PATJ: variants seen among roughly 807,000 people sequenced by gnomAD.
PATJ encodes inaD-like protein.
In PATJ, 190 loss-of-function variants were observed where a neutral mutation model predicts 224.9. The ratio of observed to expected loss-of-function variants is 0.84; its 90% confidence interval spans 0.75 to 0.95. The LOEUF (loss-of-function observed/expected upper bound fraction) is 0.95. Ranked by LOEUF, PATJ falls within the 40% of genes least tolerant of loss-of-function variation. The pLI, the probability that PATJ is intolerant of heterozygous loss-of-function variation, is 0.00. For synonymous variants in PATJ, 769 were observed against 820.3 expected (o/e 0.94, Z 1.07); for missense variants, 2,121 against 2,270.3 (o/e 0.93, Z 1.34).
In PATJ at chr1:61,760,281, A is replaced by G. The variant is rs112612310; in HGVS notation, c.-35-2577A>G. Among the ~76,000 whole-genome samples, 696 of 152,320 alleles carry G rather than the reference A, an allele frequency of 4.6e-3. 8 individuals carry two copies. The highest frequency in any genetic ancestry group is 0.016 in the African/African-American group (662 of 41,564). ...ATACTTAGACCTTTTATCAATGTCA[A>G]TGGCATCCGTTATTGGTTTTCAATA... On this transcript the variant is annotated intron_variant, in intron 1 of 43. Transcript: ENST00000642238.
intron 20 of PATJ, among the ~76,000 whole-genome samples, chr1:61,867,209 C>T (rs1009131433): frequency 2.0e-5 from 3 of 152,188 alleles, no homozygotes. Flanking sequence ...GATGGAGTTG[C>T]TCTGGTTCCA....
At chr1:62,154,449 A>T (rs1211997557) in intron 43 of PATJ, among the ~76,000 whole-genome samples, 1 of 151,960 alleles carries the variant, frequency 6.6e-6, no homozygotes, top group East Asian at 1.9e-4. Flanking sequence ...TGGGTGGATC[A>T]CCTGAGTGCA....
intron 32 of PATJ, among the ~76,000 whole-genome samples, chr1:62,080,230 G>T (rs17097039): frequency 0.013 from 1,918 of 152,294 alleles, 41 homozygotes; most frequent in African/African-American, 0.044. Flanking sequence ...AATGCTTAAA[G>T]AAATTGGCAT....
chr1:62,065,993 G>A lies in PATJ; in HGVS notation c.4126-13457G>A, dbSNP rs142335404. 9.8e-5 allele frequency among the ~76,000 whole-genome samples: 15 copies of A among 152,292 alleles called. No individual in the cohort carries two copies. In the East Asian group the frequency reaches 2.9e-3, roughly 29 times the overall value. On this transcript the variant is annotated intron_variant, in intron 31 of 43. Transcript: ENST00000642238. ...TAAGAGCCTATAATCTAAAACGTGT[G>A]TTGATTTTGTTATCTTTCAAAGGGA...
chr1:61,888,837 G>A (rs1669223172), intron 22 of PATJ, among the ~76,000 whole-genome samples: 2 of 152,192 alleles, frequency 1.3e-5, no homozygotes, highest in Admixed American at 6.5e-5. Flanking sequence ...TTCAAAATGA[G>A]TATTTGACAA....
chr1:62,157,017 A>G (rs1669293737), intron 43 of PATJ, among the ~76,000 whole-genome samples: 1 of 151,468 alleles, frequency 6.6e-6, no homozygotes, highest in Admixed American at 6.6e-5. Context: ...TCAGTATCAG[A>G]ATTCATTTTA....
At chr1:61,896,761 G>A (rs1029280556) in intron 22 of PATJ, among the ~76,000 whole-genome samples, 26 of 152,146 alleles carry the variant, frequency 1.7e-4, no homozygotes, top group African/African-American at 6.3e-4. Flanking sequence ...TCTCATGAGA[G>A]TGAGGGAGTT....
intron 31 of PATJ, among the ~76,000 whole-genome samples, chr1:62,060,534 AT>A (rs942235479): frequency 6.6e-6 from 1 of 151,588 alleles, no homozygotes; most frequent in Admixed American, 6.6e-5. Flanking sequence ...TACTTGGCTA[AT>A]TTTTTTGTAT....
At chr1:62,040,275 A>C (rs1355398897) in intron 30 of PATJ, among the ~76,000 whole-genome samples, 1 of 151,502 alleles carries the variant, frequency 6.6e-6, no homozygotes, top group Non-Finnish European at 1.5e-5. Context: ...CGCCTGGCTA[A>C]TTTTTGTATT....
Position 62,161,020 on chromosome 1 carries a change from A to G in PATJ, c.5615A>G (p.Gln1872Arg), listed in dbSNP as rs1016272729. ...CAAGCAGTCGCCATTCTAAAACACC[A>G]GAGAGGGACTGTAACCTTAACTGTG... ...HEQAVAILKHQRGTVTLTVLS is the reference protein window; with the variant it reads ...HEQAVAILKHRRGTVTLTVLS Residue 1872 changes from glutamine (Q) to arginine (R), a missense_variant, in exon 44 of 44, where the codon CAG becomes CGG. Transcript: ENST00000642238. 21 of 1,600,842 alleles carry G rather than the reference A, an allele frequency of 1.3e-5. No individual in the cohort carries two copies. Among genetic ancestry groups the G allele is most frequent in the Non-Finnish European group, 1.4e-5 (16 of 1,173,972 alleles).
At chr1:62,123,862 A>G (rs966394252) in intron 39 of PATJ, among the ~76,000 whole-genome samples, 1 of 151,710 alleles carries the variant, frequency 6.6e-6, no homozygotes, top group Admixed American at 6.6e-5. Flanking sequence ...ATAGTAAAAC[A>G]TCTTTATATT....
At chr1:61,974,196 G>A (rs989025338) in intron 27 of PATJ, among the ~76,000 whole-genome samples, 1 of 151,884 alleles carries the variant, frequency 6.6e-6, no homozygotes, top group Non-Finnish European at 1.5e-5. Context: ...AACTGATACT[G>A]TGAGCCTGAT....
intron 14 of PATJ, among the ~76,000 whole-genome samples, chr1:61,814,052 G>A (rs1270284288): frequency 6.6e-6 from 1 of 150,844 alleles, no homozygotes; most frequent in African/African-American, 2.4e-5. Context: ...ATTTGGTTGT[G>A]GCAAAAAGTT....
At chr1:62,129,620 C>T (rs1357050560) in intron 41 of PATJ, among the ~76,000 whole-genome samples, 2 of 152,198 alleles carry the variant, frequency 1.3e-5, no homozygotes, top group African/African-American at 4.8e-5. Flanking sequence ...TGTATGCTTA[C>T]CATAGGTCTG....
chr1:61,945,339 G>A (rs1188999388), intron 27 of PATJ, among the ~76,000 whole-genome samples: 11 of 151,964 alleles, frequency 7.2e-5, no homozygotes, highest in African/African-American at 1.9e-4. Flanking sequence ...CCCATCTCAC[G>A]TGCAGAGACA....
intron 27 of PATJ, among the ~76,000 whole-genome samples, chr1:61,951,814 C>T (rs545270102): frequency 6.6e-6 from 1 of 152,190 alleles, no homozygotes; most frequent in African/African-American, 2.4e-5. Context: ...ATGCTGGGAG[C>T]ATTAAGGAGA....
intron 17 of PATJ, among the ~76,000 whole-genome samples, chr1:61,855,324 T>G (rs1438530061): frequency 1.3e-5 from 2 of 152,164 alleles, no homozygotes; most frequent in African/African-American, 2.4e-5. Context: ...ATCTATATAT[T>G]TTGGGCACTC....
At chr1:61,885,426 A>G (rs903182898) in intron 22 of PATJ, among the ~76,000 whole-genome samples, 15 of 152,362 alleles carry the variant, frequency 9.8e-5, no homozygotes, top group African/African-American at 3.1e-4. Context: ...ACACGAAAAA[A>G]TGCTCATCAT....
intron 26 of PATJ, among the ~76,000 whole-genome samples, chr1:61,922,412 G>T (rs1379760543): frequency 3.3e-5 from 5 of 152,138 alleles, no homozygotes; most frequent in Non-Finnish European, 2.9e-5. Context: ...ATCTGGAAGG[G>T]ACTGGAATTT....
Sources: gnomAD v4.1 joint callset for allele counts (sites outside exome capture counted in the v4.1 genomes callset) on GRCh38, gnomAD v4.1.1 for gene constraint, MANE v1.5 for transcripts, NCBI Gene and HGNC (gene_info 2026-07-23, HGNC 2026-07-21) for gene names.